Variants in AGBL1 observed in about 807,000 individuals in gnomAD.
The protein encoded by AGBL1 is AGBL carboxypeptidase 1, also known as cytosolic carboxypeptidase 4.
Under a neutral mutation model 118.9 loss-of-function variants are expected in AGBL1, and 130 were observed. The ratio of observed to expected loss-of-function variants is 1.09; its 90% CI spans 0.95 to 1.26. The LOEUF is 1.26. Among genes scored for constraint, AGBL1 ranks in the 50% most tolerant of loss-of-function variants. The probability of loss-of-function intolerance (pLI) is 0.00; values close to 1 mark genes in which losing one functional copy is unlikely to be tolerated. For synonymous variants in AGBL1, 555 were observed against 478.9 expected (o/e 1.16, Z -2.08); for missense variants, 1,584 against 1,298.1 (o/e 1.22, Z -3.38).
intron 22 of AGBL1, among the ~76,000 whole-genome samples, chr15:86,733,348 G>T (rs1387456743): frequency 6.6e-6 from 1 of 152,052 alleles, no homozygotes; most frequent in African/African-American, 2.4e-5. Flanking sequence ...TCAACAGATT[G>T]TATGATGGCC....
At chr15:86,726,467 T>C (rs2142736681) in intron 22 of AGBL1, among the ~76,000 whole-genome samples, 1 of 152,304 alleles carries the variant, frequency 6.6e-6, no homozygotes, top group East Asian at 1.9e-4. Flanking sequence ...AAGAAAGCAA[T>C]TGTAACCAAT....
intron 1 of AGBL1, among the ~76,000 whole-genome samples, chr15:86,110,814 A>G (rs1015841064): frequency 6.6e-6 from 1 of 152,228 alleles, no homozygotes; most frequent in African/African-American, 2.4e-5. Flanking sequence ...TAGCAGTGTC[A>G]GGGCAGATGG....
At chr15:87,004,178 C>G (rs1026299989) in intron 24 of AGBL1, among the ~76,000 whole-genome samples, 3 of 152,080 alleles carry the variant, frequency 2.0e-5, no homozygotes, top group East Asian at 3.9e-4. Context: ...TTTGTTCTCA[C>G]TGGTTTCAAA....
At chr15:86,666,729 T>C (rs896922215) in intron 21 of AGBL1, among the ~76,000 whole-genome samples, 5 of 152,222 alleles carry the variant, frequency 3.3e-5, no homozygotes, top group African/African-American at 1.2e-4. Context: ...TCTCAATTTA[T>C]ATATTAATTC....
chr15:86,485,922 T>C (rs545439099), intron 18 of AGBL1, among the ~76,000 whole-genome samples: 1 of 152,042 alleles, frequency 6.6e-6, no homozygotes, highest in East Asian at 2.0e-4. Context: ...CTCCTTTCCT[T>C]CTCCTCCTCT....
chr15:86,397,227 A>G (rs1380579888), intron 17 of AGBL1, 139 bp from the exon 18 acceptor site: 1 of 615,210 alleles, frequency 1.6e-6, no homozygotes, highest in Non-Finnish European at 2.5e-6. Flanking sequence ...ATTGAAGGAA[A>G]CAAAATTCAA....
In AGBL1 at chr15:86,546,010, T is replaced by A; in HGVS notation, c.2694T>A (p.Cys898Ter). ...SSIGRSPVVF[C>*]DFHGHSQKKN... ...TTGTTGGGCTATTGTAGGTTTTCTG[T>A]GACTTCCATGGCCACTCCCAAAAGA... The change falls in exon 20 of 23, where the codon TGT becomes TGA. Residue 898 changes from cysteine (C) to a stop codon, truncating the protein, a stop_gained. Coordinates refer to ENST00000614907, the MANE Select transcript of AGBL1 (RefSeq NM_001386094.1). LOFTEE classifies it high-confidence loss of function. 1.2e-6 allele frequency: 2 copies of A among 1,612,824 alleles called. No individual in the cohort carries two copies. Among genetic ancestry groups the A allele is most frequent in the Non-Finnish European group, 1.7e-6 (2 of 1,179,160 alleles).
At chr15:86,337,802 T>A (rs535324465) in intron 17 of AGBL1, among the ~76,000 whole-genome samples, 2 of 152,332 alleles carry the variant, frequency 1.3e-5, no homozygotes, top group Admixed American at 1.3e-4. Flanking sequence ...CAAATCACCA[T>A]GGCACATGTT....
intron 5 of AGBL1, among the ~76,000 whole-genome samples, chr15:86,191,348 C>CAAAAAAAAAAAAAAAAAAAA (rs869108108): frequency 6.1e-5 from 4 of 65,104 alleles, no homozygotes; most frequent in African/African-American, 1.7e-4. Flanking sequence ...AACTTTGTCT[C>CAAAAAAAAAAAAAAAAAAAA]AAAAAAAAAA....
At position 86,554,497 on chromosome 15, in the gene AGBL1, T is replaced by C. The variant is rs766679408; in HGVS notation, c.2954T>C (p.Met985Thr). Residue 985 changes from methionine (M) to threonine (T), a missense_variant, in exon 21 of 23, where the codon ATG becomes ACG. Transcript: ENST00000614907. ...ATGGGGGTGTCCAGAAGCTACACCA[T>C]GGAAAGCAGCTACTGTGGCTGCAAC... is the stretch of plus-strand genomic sequence containing the variant. ...REMGVSRSYT[M>T]ESSYCGCNQG... 1.9e-6 allele frequency: 3 copies of C among 1,571,180 alleles called. No individual in the cohort carries two copies. The highest frequency in any genetic ancestry group is 2.6e-6 in the Non-Finnish European group (3 of 1,160,478).
chr15:86,735,355 A>G (rs2141223576), intron 22 of AGBL1, among the ~76,000 whole-genome samples: 1 of 152,270 alleles, frequency 6.6e-6, no homozygotes, highest in Non-Finnish European at 1.5e-5. Context: ...TGCTGGGATT[A>G]CAGGCATGAG....
intron 22 of AGBL1, among the ~76,000 whole-genome samples, chr15:86,770,856 C>T (rs2078167992): frequency 6.6e-6 from 1 of 152,040 alleles, no homozygotes; most frequent in South Asian, 2.1e-4. Flanking sequence ...CAGACATCTA[C>T]TCTGTGCTAA....
chr15:87,029,089 C>T (rs1021505073), downstream of AGBL1: 1 of 400,168 alleles, frequency 2.5e-6, no homozygotes, highest in Admixed American at 4.2e-5. Flanking sequence ...CAGGACAGAA[C>T]TAACACTAGG....
chr15:86,621,400 C>T (rs553536310), intron 21 of AGBL1, among the ~76,000 whole-genome samples: 1 of 152,184 alleles, frequency 6.6e-6, no homozygotes, highest in Non-Finnish European at 1.5e-5. Context: ...TTTATTGTCT[C>T]GCAGATCTGG....
chr15:86,641,648 A>C (rs2085193130), intron 21 of AGBL1, among the ~76,000 whole-genome samples: 1 of 152,034 alleles, frequency 6.6e-6, no homozygotes, highest in Non-Finnish European at 1.5e-5. Flanking sequence ...TTTTTGTATC[A>C]TTTCATGCCT....
At chr15:86,366,111 T>C (rs901589672) in intron 17 of AGBL1, among the ~76,000 whole-genome samples, 1 of 152,184 alleles carries the variant, frequency 6.6e-6, no homozygotes, top group East Asian at 1.9e-4. Context: ...AATGTGTTTT[T>C]TTCTGGTTTA....
At chr15:86,388,685 A>G (rs907747489) in intron 17 of AGBL1, among the ~76,000 whole-genome samples, 7 of 152,190 alleles carry the variant, frequency 4.6e-5, no homozygotes, top group African/African-American at 1.7e-4. Flanking sequence ...TCTTAAATCT[A>G]TACAGGCAAA....
intron 19 of AGBL1, among the ~76,000 whole-genome samples, chr15:86,534,270 A>G (rs2083392211): frequency 6.6e-6 from 1 of 152,168 alleles, no homozygotes; most frequent in Admixed American, 6.5e-5. Flanking sequence ...AACATAGATG[A>G]AGGGTTGAGT....
At chr15:86,429,079 C>A (rs2081901604) in intron 18 of AGBL1, among the ~76,000 whole-genome samples, 1 of 152,202 alleles carries the variant, frequency 6.6e-6, no homozygotes, top group African/African-American at 2.4e-5. Context: ...TTTCCCTTCG[C>A]TCTGCCTCCT....
Sources: allele counts gnomAD v4.1 joint callset (sites outside exome capture counted in the v4.1 genomes callset), GRCh38; gene constraint gnomAD v4.1.1; transcripts MANE v1.5; gene names NCBI Gene and HGNC (gene_info 2026-07-23, HGNC 2026-07-21).